Variants in SHANK2 observed in about 807,000 individuals in gnomAD.
SHANK2 encodes the protein SH3 and multiple ankyrin repeat domains protein 2.
SHANK2 carries 43 observed loss-of-function variants against 133.7 expected under a neutral mutation model. That is an observed-to-expected ratio of 0.32 (90% CI 0.25 to 0.41). The LOEUF is 0.41. Among genes scored for constraint, SHANK2 ranks in the 10% least tolerant of loss-of-function variants. The probability of loss-of-function intolerance (pLI) is 1.00; values close to 1 mark genes in which losing one functional copy is unlikely to be tolerated. For synonymous variants in SHANK2, 1,017 were observed against 952.8 expected, an observed-to-expected ratio of 1.07 and a Z score of -1.24; for missense variants, 1,994 against 2,235.8, an observed-to-expected ratio of 0.89 and a Z score of 2.18.
At chr11:70,659,264 T>G (rs1565221336) in intron 17 of SHANK2, among the ~76,000 whole-genome samples, 1 of 152,168 alleles carries the variant, frequency 6.6e-6, no homozygotes, top group Admixed American at 6.5e-5. Flanking sequence ...AGCATCTGAA[T>G]TCCTAAGTTT....
rs35737323 is a variant in SHANK2 at position 70,690,488 on chromosome 11, G to GTTTTTTTTTTTTTTTTTTTTTTTT, written c.1853+8176_1853+8199dup. Among the ~76,000 whole-genome samples, 8 of 32,816 alleles carry GTTTTTTTTTTTTTTTTTTTTTTTT rather than the reference G, an allele frequency of 2.4e-4. 2 individuals are homozygous for GTTTTTTTTTTTTTTTTTTTTTTTT. The highest frequency in any genetic ancestry group is 1.2e-3 in the Admixed American group (2 of 1,662). The allele number at this position is 32,816 out of a possible 152,430, so 21.5% of individuals were successfully genotyped here. On this transcript the variant is annotated intron_variant, in intron 15 of 25. Transcript: ENST00000601538. ...ATCATCATAATGTAATACTTCCCATGTTTTTTTTTTTTTTTTTTTTTTTTT... is the reference window on the plus strand; with the variant it reads ...ATCATCATAATGTAATACTTCCCATGTTTTTTTTTTTTTTTTTTTTTTTTTTTTTTTTTTTTTTTTTTTTTTTTT...
intron 15 of SHANK2, among the ~76,000 whole-genome samples, chr11:70,696,052 T>C (rs1457970440): frequency 6.6e-6 from 1 of 152,174 alleles, no homozygotes; most frequent in Non-Finnish European, 1.5e-5. Context: ...CAAAAGCCCT[T>C]GACTGGACAC....
intron 14 of SHANK2, among the ~76,000 whole-genome samples, chr11:70,744,359 G>A (rs1946595194): frequency 6.6e-6 from 1 of 152,164 alleles, no homozygotes; most frequent in Non-Finnish European, 1.5e-5. Flanking sequence ...GACCCATGTG[G>A]GGAACCCTGC....
chr11:71,217,304 G>A (rs1358624369), intron 2 of SHANK2, among the ~76,000 whole-genome samples: 2 of 151,996 alleles, frequency 1.3e-5, no homozygotes, highest in Non-Finnish European at 2.9e-5. Flanking sequence ...TGAGGAGTTT[G>A]AGACCAGCCT....
chr11:71,078,848 T>A (rs1951254521), intron 8 of SHANK2, among the ~76,000 whole-genome samples: 1 of 152,272 alleles, frequency 6.6e-6, no homozygotes, highest in Admixed American at 6.5e-5. Flanking sequence ...TCTGAGCTGC[T>A]GCTTTGGGTA....
chr11:70,575,206 G>T (rs978286613), intron 17 of SHANK2, among the ~76,000 whole-genome samples: 1 of 152,142 alleles, frequency 6.6e-6, no homozygotes, highest in East Asian at 1.9e-4. Context: ...GTCACCCAAC[G>T]GTGACTGTCA....
intron 12 of SHANK2, among the ~76,000 whole-genome samples, chr11:70,811,774 A>C (rs1223432487): frequency 2.7e-5 from 4 of 149,072 alleles, no homozygotes; most frequent in African/African-American, 1.0e-4. Flanking sequence ...CCATCCAGCC[A>C]TCCATCCATC....
chr11:70,496,839 C>G, intron 21 of SHANK2: 1 of 397,368 alleles, frequency 2.5e-6, no homozygotes, highest in Non-Finnish European at 5.0e-6. Context: ...CATGGTTTGC[C>G]TCGTCCAGGA....
intron 21 of SHANK2, chr11:70,496,924 C>T (rs2058979627): frequency 2.2e-6 from 1 of 456,292 alleles, no homozygotes; most frequent in African/African-American, 2.0e-5. Context: ...CTGGTCATGT[C>T]ATTGAAGGTG....
At chr11:70,538,301 G>A (rs782591043) in intron 17 of SHANK2, among the ~76,000 whole-genome samples, 3 of 152,220 alleles carry the variant, frequency 2.0e-5, no homozygotes, top group Non-Finnish European at 2.9e-5. Flanking sequence ...AGAATTAGCC[G>A]ACAGTGACCC....
At chr11:71,080,318 C>A (rs1283965155) in intron 8 of SHANK2, among the ~76,000 whole-genome samples, 21 of 152,260 alleles carry the variant, frequency 1.4e-4, no homozygotes, top group Admixed American at 1.1e-3. Flanking sequence ...TTTGCCCCAG[C>A]GATGCCTAGC....
intron 17 of SHANK2, among the ~76,000 whole-genome samples, chr11:70,659,183 A>T (rs2061449075): frequency 6.6e-6 from 1 of 152,176 alleles, no homozygotes; most frequent in African/African-American, 2.4e-5. Flanking sequence ...GAGCCGGAGC[A>T]CTCAAACCTC....
At chr11:70,844,887 G>C (rs1292648891) in intron 11 of SHANK2, among the ~76,000 whole-genome samples, 3 of 151,992 alleles carry the variant, frequency 2.0e-5, no homozygotes, top group Admixed American at 2.0e-4. Context: ...CAAATCACTG[G>C]GACCCAATTT....
Position 70,487,713 on chromosome 11 carries a change from T to C in SHANK2, c.2580A>G (p.Thr860=). The part of the protein sequence containing the change: ...IDSRIFLSGI[T]EEERQFLAPP... ...GAGCCAGAAACTGCCGCTCTTCCTC[T>C]GTTATTCCTACAAGCAGAAAACAGG... The change falls in exon 25 of 26, where the codon ACA becomes ACG. Residue 860 remains threonine (T), a synonymous_variant. Coordinates refer to ENST00000601538, the MANE Select transcript of SHANK2 (RefSeq NM_012309.5). The surrounding 1 kb of genome is among the most constrained non-coding windows in gnomAD (Gnocchi z 5.8). The C allele has an allele frequency of 2.6e-6, 4 of 1,559,572 alleles. No individual in the cohort carries two copies. The highest frequency in any genetic ancestry group is 3.5e-6 in the Non-Finnish European group (4 of 1,151,550).
chr11:70,656,717 C>A (rs531673763), intron 17 of SHANK2, among the ~76,000 whole-genome samples: 8 of 152,266 alleles, frequency 5.3e-5, no homozygotes, highest in African/African-American at 1.9e-4. Flanking sequence ...CTGAGGTGAA[C>A]CTTTTATTAC....
intron 14 of SHANK2, among the ~76,000 whole-genome samples, chr11:70,702,139 C>A (rs1377134295): frequency 1.3e-5 from 2 of 149,122 alleles, no homozygotes; most frequent in African/African-American, 2.5e-5. Context: ...ATCATCACCA[C>A]CATCTTCTTC....
In SHANK2 at chr11:70,931,743, G is replaced by A. The variant is rs548952802; in HGVS notation, c.1108-35176C>T. Among the ~76,000 whole-genome samples the A allele has an allele frequency of 6.6e-5, 10 of 152,318 alleles. No individual in the cohort carries two copies. In the South Asian group the frequency reaches 2.1e-3, roughly 32 times the overall value. Reference sequence around the variant, plus strand: ...CACAGGGCAACAGCAAGGTGCTGGCGCCAAGCGTCTATCACAGCAATGAGG... The same window carrying A: ...CACAGGGCAACAGCAAGGTGCTGGCACCAAGCGTCTATCACAGCAATGAGG... On this transcript the variant is annotated intron_variant, in intron 10 of 25. Transcript: ENST00000601538.
chr11:71,200,822 C>G (rs1409803393), intron 2 of SHANK2, among the ~76,000 whole-genome samples: 1 of 138,602 alleles, frequency 7.2e-6, no homozygotes, highest in Non-Finnish European at 1.5e-5. Context: ...GGTATCAAGT[C>G]TCAATTAATA....
intron 10 of SHANK2, among the ~76,000 whole-genome samples, chr11:70,900,835 G>A (rs34070665): frequency 0.025 from 3,728 of 152,140 alleles, 78 homozygotes; most frequent in Middle Eastern, 0.054. Flanking sequence ...AAGGAAGAGG[G>A]AACTGGGTCT....
Sources: gnomAD v4.1 joint callset for allele counts (sites outside exome capture counted in the v4.1 genomes callset) on GRCh38, gnomAD v4.1.1 for gene constraint, Gnocchi (gnomAD v3.1) non-coding constraint, MANE v1.5 for transcripts, NCBI Gene and HGNC (gene_info 2026-07-23, HGNC 2026-07-21) for gene names.